LRRC4C: variants seen among roughly 807,000 people sequenced by gnomAD.
LRRC4C encodes the protein leucine-rich repeat-containing protein 4C.
A neutral mutation model predicts 33.6 loss-of-function variants in LRRC4C; 5 were observed. The observed-to-expected ratio is 0.15, with a 90% CI of 0.08 to 0.31. The LOEUF (loss-of-function observed/expected upper bound fraction) is 0.31. Among genes scored for constraint, LRRC4C ranks in the 10% least tolerant of loss-of-function variants. The pLI is 1.00. For synonymous variants in LRRC4C, 329 were observed against 302.0 expected (o/e 1.09, Z -0.93); for missense variants, 560 against 796.7 (o/e 0.70, Z 3.58).
chr11:41,219,877 G>A (rs947826633), intron 1 of LRRC4C, among the ~76,000 whole-genome samples: 1 of 152,162 alleles, frequency 6.6e-6, no homozygotes, highest in Non-Finnish European at 1.5e-5. Context: ...TACAAAGGAA[G>A]CCTGAGCATT....
At chr11:41,437,378 CTT>C (rs1235781072) in intron 1 of LRRC4C, among the ~76,000 whole-genome samples, 13 of 151,562 alleles carry the variant, frequency 8.6e-5, no homozygotes, top group African/African-American at 3.2e-4. Flanking sequence ...AAACCTCTCT[CTT>C]GCTCATTAAG....
chr11:41,219,234 A>G (rs1315547737), intron 1 of LRRC4C, among the ~76,000 whole-genome samples: 2 of 150,856 alleles, frequency 1.3e-5, no homozygotes, highest in African/African-American at 2.5e-5. Flanking sequence ...AGTACTCCCA[A>G]CAAAATTACA....
At chr11:40,120,527 C>T (rs1855750227) in intron 6 of LRRC4C, among the ~76,000 whole-genome samples, 1 of 152,018 alleles carries the variant, frequency 6.6e-6, no homozygotes, top group African/African-American at 2.4e-5. Context: ...GGGAGAGGGC[C>T]TATGTTATTA....
At chr11:41,457,288 T>G (rs1956199794) in intron 1 of LRRC4C, among the ~76,000 whole-genome samples, 1 of 152,146 alleles carries the variant, frequency 6.6e-6, no homozygotes. Context: ...TTAAAGGACC[T>G]CTCTCTATTC....
intron 4 of LRRC4C, among the ~76,000 whole-genome samples, chr11:40,267,414 C>T (rs576380389): frequency 5.1e-4 from 77 of 152,284 alleles, no homozygotes; most frequent in African/African-American, 1.7e-3. Context: ...TGCAGTGGCA[C>T]AAGCTCCACT....
At position 41,098,635 on chromosome 11, in the gene LRRC4C, A is replaced by G. The variant is rs538280687; in HGVS notation, c.-495-164912T>C. Among the ~76,000 whole-genome samples, 7 of 152,294 alleles carry G rather than the reference A, an allele frequency of 4.6e-5. No individual in the cohort carries two copies. The South Asian group carries it at 1.4e-3, about 32-fold the overall frequency. ...CATTTTAAATCTTTGCTTGTACCTT[A>G]GTGACCTAGGAAAGTAAATTTAATA... On this transcript the variant is annotated intron_variant, in intron 1 of 6. Transcript: ENST00000528697.
intron 2 of LRRC4C, among the ~76,000 whole-genome samples, chr11:40,850,921 T>A (rs971541468): frequency 5.9e-5 from 9 of 151,942 alleles, no homozygotes; most frequent in African/African-American, 1.9e-4. Context: ...TGGCTTTGTT[T>A]ACACTATGAC....
chr11:40,173,571 A>G (rs1008362710), intron 5 of LRRC4C, among the ~76,000 whole-genome samples: 2 of 152,154 alleles, frequency 1.3e-5, no homozygotes, highest in African/African-American at 4.8e-5. Flanking sequence ...GCATCCTTTA[A>G]GCCCAATCCT....
intron 3 of LRRC4C, among the ~76,000 whole-genome samples, chr11:40,585,453 A>C (rs1258198977): frequency 6.6e-6 from 1 of 151,246 alleles, no homozygotes; most frequent in Non-Finnish European, 1.5e-5. Flanking sequence ...GAGTGTGTTT[A>C]CTGAAATTTG....
intron 1 of LRRC4C, among the ~76,000 whole-genome samples, chr11:40,959,252 G>A (rs1244124233): frequency 2.0e-5 from 3 of 151,542 alleles, no homozygotes; most frequent in African/African-American, 4.8e-5. Context: ...CAACACAGTG[G>A]TTTATAAAAT....
intron 1 of LRRC4C, among the ~76,000 whole-genome samples, chr11:41,032,749 C>T (rs1590300000): frequency 6.6e-6 from 1 of 151,914 alleles, no homozygotes; most frequent in African/African-American, 2.4e-5. Context: ...AGCAGTAATA[C>T]ATTGCAATAA....
chr11:40,261,259 C>T (rs1941802546), intron 4 of LRRC4C, among the ~76,000 whole-genome samples: 2 of 151,942 alleles, frequency 1.3e-5, no homozygotes, highest in Non-Finnish European at 2.9e-5. Context: ...AAACAAAAGT[C>T]GTTGATTTGA....
intron 3 of LRRC4C, among the ~76,000 whole-genome samples, chr11:40,386,429 C>A (rs1025808449): frequency 1.3e-5 from 2 of 152,120 alleles, no homozygotes; most frequent in African/African-American, 2.4e-5. Flanking sequence ...TGCTCTTTTT[C>A]TGTAATGAGG....
At chr11:40,965,453 T>G (rs1851283664) in intron 1 of LRRC4C, among the ~76,000 whole-genome samples, 1 of 152,170 alleles carries the variant, frequency 6.6e-6, no homozygotes, top group Non-Finnish European at 1.5e-5. Flanking sequence ...CATGCCTATG[T>G]CCTGAATGGT....
At chr11:40,812,368 G>A (rs986784783) in intron 2 of LRRC4C, among the ~76,000 whole-genome samples, 3 of 152,112 alleles carry the variant, frequency 2.0e-5, no homozygotes, top group African/African-American at 7.2e-5. Flanking sequence ...TCTTGTGAAT[G>A]TATCAGCAGA....
At chr11:40,540,702 C>G (rs1183029134) in intron 3 of LRRC4C, among the ~76,000 whole-genome samples, 1 of 152,066 alleles carries the variant, frequency 6.6e-6, no homozygotes, top group Non-Finnish European at 1.5e-5. Context: ...TCTTGTTCAT[C>G]TAGTACCCCA....
At chr11:40,436,135 C>T (rs1044823934) in intron 3 of LRRC4C, among the ~76,000 whole-genome samples, 6 of 152,186 alleles carry the variant, frequency 3.9e-5, no homozygotes, top group African/African-American at 1.4e-4. Flanking sequence ...CACATCCACA[C>T]TTTATGTATT....
rs71063914 is a variant in LRRC4C, at chr11:41,350,509, C to CAA, written c.-496+108920_-496+108921dup. On this transcript the variant is annotated intron_variant, in intron 1 of 6. Coordinates refer to ENST00000528697, the MANE Select transcript of LRRC4C (RefSeq NM_001258419.2). ...TGGGCGACAGAGCAAGACTCCATCT[C>CAA]AAAAAAAAAAAAAAAAAAGAAAGAA... 2.5e-3 allele frequency among the ~76,000 whole-genome samples: 261 copies of CAA among 106,444 alleles called. 2 individuals carry two copies. The highest frequency in any genetic ancestry group is 8.0e-3 in the African/African-American group (220 of 27,354). 69.8% of individuals were successfully genotyped at this position (106,444 alleles called of 152,430 possible).
At chr11:40,744,666 G>C (rs1948329402) in intron 2 of LRRC4C, among the ~76,000 whole-genome samples, 1 of 152,028 alleles carries the variant, frequency 6.6e-6, no homozygotes, top group Admixed American at 6.6e-5. Context: ...ACAACCCTAT[G>C]CATGGTGTTA....
Sources: gnomAD v4.1 joint callset for allele counts (sites outside exome capture counted in the v4.1 genomes callset) on GRCh38, gnomAD v4.1.1 for gene constraint, MANE v1.5 for transcripts, NCBI Gene and HGNC (gene_info 2026-07-23, HGNC 2026-07-21) for gene names.